Variants in CBY1 observed in about 807,000 individuals in gnomAD.
The protein encoded by CBY1 is chibby 1, beta catenin antagonist.
Under a neutral mutation model 15.6 loss-of-function variants are expected in CBY1, and 10 were observed. The ratio of observed to expected loss-of-function variants is 0.64; its 90% CI spans 0.40 to 1.09. The LOEUF is 1.09. Ranked by LOEUF, CBY1 falls within the 50% of genes least tolerant of loss-of-function variation. The probability of loss-of-function intolerance (pLI) is 0.01; values close to 1 mark genes in which losing one functional copy is unlikely to be tolerated. For synonymous variants in CBY1, 61 were observed against 63.5 expected (o/e 0.96, Z 0.19); for missense variants, 150 against 160.5 (o/e 0.93, Z 0.35).
At chr22:38,658,614 C>T (rs2092412625) in intron 1 of CBY1, among the ~76,000 whole-genome samples, 3 of 151,780 alleles carry the variant, frequency 2.0e-5, no homozygotes, top group African/African-American at 7.3e-5. Context: ...ATAGATGGGA[C>T]TACAGGCTCC....
chr22:38,669,036 TAA>T (rs2092445020), intron 2 of CBY1, among the ~76,000 whole-genome samples: 1 of 152,086 alleles, frequency 6.6e-6, no homozygotes, highest in Admixed American at 6.5e-5. Context: ...CCACACAGCG[TAA>T]GAGCAGCAGT....
chr22:38,661,505 A>G (rs2092422330), intron 1 of CBY1, among the ~76,000 whole-genome samples: 1 of 152,230 alleles, frequency 6.6e-6, no homozygotes, highest in African/African-American at 2.4e-5. Context: ...CTACCAGGAA[A>G]GCTGTCATGA....
chr22:38,671,159 C>G lies in CBY1; in HGVS notation c.274C>G (p.Arg92Gly), dbSNP rs758699145. ...QQLEEENNLL[R>G]LKVDILLDML... The stretch of plus-strand genomic sequence containing the variant: ...GTTGGAGGAAGAGAACAATCTCTTG[C>G]GGCTGAAAGTGGACATCTTATTAGA... The change falls in exon 4 of 5, where the codon CGG becomes GGG. Residue 92 changes from arginine to glycine, a missense_variant. By Grantham distance (125) the Arg-to-Gly change is moderately radical. Transcript: ENST00000216029. The G allele has an allele frequency of 9.3e-6, 15 of 1,613,702 alleles. No individual in the cohort carries two copies. The East Asian group carries it at 3.3e-4, about 36-fold the overall frequency.
At position 38,664,880 on chromosome 22, in the gene CBY1, G is replaced by A. The variant is rs1369949248; in HGVS notation, c.-38-3137G>A. ...TTTTCTTGAGACAGGGTCTTGCTCT[G>A]TTGCCCAGACTGAAGTGTGCAGTGG... On this transcript the variant is annotated intron_variant, in intron 1 of 4. Transcript: ENST00000216029. Among the ~76,000 whole-genome samples the A allele has an allele frequency of 3.3e-5, 5 of 151,464 alleles. 1 individual carries two copies. The highest frequency in any genetic ancestry group is 1.3e-4 in the Admixed American group (2 of 15,168).
rs774798884 is a variant in CBY1 at position 38,670,943 on chromosome 22, C to T, written c.138C>T (p.Asn46=). 5 of 1,614,084 alleles carry T rather than the reference C, an allele frequency of 3.1e-6. No homozygotes were observed. The highest frequency in any genetic ancestry group is 8.5e-7 in the Non-Finnish European group (1 of 1,180,042). Residue 46 remains asparagine (N), a synonymous_variant, in exon 3 of 5, where the codon AAC becomes AAT. Transcript: ENST00000216029. ...LGLEYGSPTM[N]LAGQSLKFEN... ...TGGAATACGGATCCCCGACTATGAACCTGGCAGGGCAAAGCCTGAAGTTTG... is the reference window on the plus strand; with the variant it reads ...TGGAATACGGATCCCCGACTATGAATCTGGCAGGGCAAAGCCTGAAGTTTG...
In CBY1 at chr22:38,673,280, C is replaced by CA. The variant is rs1569257137; in HGVS notation, c.*44_*45insA. The CA allele has an allele frequency of 7.5e-7, 1 of 1,327,906 alleles. No individual in the cohort carries two copies. Among genetic ancestry groups the CA allele is most frequent in the Non-Finnish European group, 1.1e-6 (1 of 932,158 alleles). 82.3% of individuals were successfully genotyped at this position (1,327,906 alleles called of 1,614,324 possible). On this transcript the variant is annotated 3_prime_UTR_variant, in exon 5 of 5. Transcript: ENST00000216029. ...TTGGGGAGTAGGATGTGGCTGAGTG[C>CA]TTTTTTTTTGGCCAGACTAGCGGAT...
intron 2 of CBY1, chr22:38,668,370 A>T (rs912189534): frequency 4.1e-5 from 17 of 411,458 alleles, no homozygotes; most frequent in Admixed American, 8.5e-5. Context: ...AAATATCCAA[A>T]TTTTTTTTTT....
At chr22:38,662,611 C>T (rs1047678746) in intron 1 of CBY1, among the ~76,000 whole-genome samples, 1 of 152,090 alleles carries the variant, frequency 6.6e-6, no homozygotes, top group Non-Finnish European at 1.5e-5. Context: ...CCACCTCTGC[C>T]TCCTGAATAG....
intron 1 of CBY1, among the ~76,000 whole-genome samples, chr22:38,663,342 C>T (rs2092426953): frequency 6.6e-6 from 1 of 151,854 alleles, no homozygotes; most frequent in African/African-American, 2.4e-5. Flanking sequence ...ATAGTCCTAG[C>T]TACCTGGGAG....
At chr22:38,666,113 C>T (rs55855403) in intron 1 of CBY1, among the ~76,000 whole-genome samples, 9,883 of 151,532 alleles carry the variant, frequency 0.065, 675 homozygotes, top group African/African-American at 0.17. Context: ...GCTGGGATTT[C>T]AGGTATAAAC....
At chr22:38,659,843 C>T (rs2145777699) in intron 1 of CBY1, among the ~76,000 whole-genome samples, 1 of 122,356 alleles carries the variant, frequency 8.2e-6, no homozygotes, top group Non-Finnish European at 1.6e-5. Flanking sequence ...GCCCGGGCGA[C>T]AGAGTGAGAC....
chr22:38,661,989 T>C (rs906319747), intron 1 of CBY1, among the ~76,000 whole-genome samples: 1 of 152,132 alleles, frequency 6.6e-6, no homozygotes, highest in Non-Finnish European at 1.5e-5. Flanking sequence ...GTAAGCTGTG[T>C]GCGTGATATA....
At chr22:38,660,294 A>G (rs1455492754) in intron 1 of CBY1, among the ~76,000 whole-genome samples, 1 of 151,778 alleles carries the variant, frequency 6.6e-6, no homozygotes, top group Non-Finnish European at 1.5e-5. Flanking sequence ...TCCCAGGTTC[A>G]AGTGATTCTC....
chr22:38,661,372 C>T (rs951517154), intron 1 of CBY1, among the ~76,000 whole-genome samples: 1 of 152,158 alleles, frequency 6.6e-6, no homozygotes, highest in African/African-American at 2.4e-5. Flanking sequence ...GACAGGGTTT[C>T]ACCATGTTGG....
intron 1 of CBY1, among the ~76,000 whole-genome samples, chr22:38,667,014 A>G (rs561618808): frequency 6.9e-5 from 7 of 101,414 alleles, no homozygotes; most frequent in African/African-American, 2.5e-4. Flanking sequence ...TTCTTTCTTT[A>G]TTTTTTTTTT....
intron 1 of CBY1, chr22:38,665,752 T>C: frequency 1.6e-6 from 2 of 1,220,318 alleles, no homozygotes; most frequent in Non-Finnish European, 2.0e-6. Flanking sequence ...AAAAATGTTT[T>C]GAGCCAGTGC....
At chr22:38,662,301 C>CA (rs34580405) in intron 1 of CBY1, among the ~76,000 whole-genome samples, 2,758 of 132,900 alleles carry the variant, frequency 0.021, 96 homozygotes, top group African/African-American at 0.073. Flanking sequence ...GACTCTGTCT[C>CA]AAAAAAAAAA....
chr22:38,666,684 TTACTC>T (rs2092437205), intron 1 of CBY1: 1 of 136,866 alleles, frequency 7.3e-6, no homozygotes, highest in Non-Finnish European at 1.6e-5. Context: ...AAGCATAGCT[TTACTC>T]ATTTATTTAT....
intron 1 of CBY1, among the ~76,000 whole-genome samples, chr22:38,666,219 T>TTA (rs1434478693): frequency 0.027 from 3,461 of 129,108 alleles, 119 homozygotes; most frequent in African/African-American, 0.089. Context: ...TGTATTAATG[T>TTA]TATATATATA....
Sources: gnomAD v4.1 joint callset for allele counts (sites outside exome capture counted in the v4.1 genomes callset) on GRCh38, gnomAD v4.1.1 for gene constraint, MANE v1.5 for transcripts, NCBI Gene and HGNC (gene_info 2026-07-23, HGNC 2026-07-21) for gene names.